LRRIQ3: variants seen among roughly 807,000 people sequenced by gnomAD.
LRRIQ3 encodes leucine-rich repeat and IQ domain-containing protein 3.
Under a neutral mutation model 59.3 loss-of-function variants are expected in LRRIQ3, and 75 were observed. The observed-to-expected ratio is 1.26, with a 90% CI of 1.05 to 1.53. The LOEUF is 1.53. LRRIQ3 is among the 40% of genes most tolerant of loss of function. The pLI is 0.00. For synonymous variants in LRRIQ3, 250 were observed against 231.3 expected, an observed-to-expected ratio of 1.08 and a Z score of -0.73; for missense variants, 831 against 710.0, an observed-to-expected ratio of 1.17 and a Z score of -1.94.
At position 74,183,545 on chromosome 1, in the gene LRRIQ3, T is replaced by A; in HGVS notation, c.140A>T (p.Gln47Leu). The A allele has an allele frequency of 6.2e-7, 1 of 1,612,282 alleles. No homozygotes were observed. Among genetic ancestry groups the A allele is most frequent in the Non-Finnish European group, 8.5e-7 (1 of 1,178,938 alleles). Reference protein sequence around the residue: ...GLHLKSMENLQSCISLRVCIF... With the variant: ...GLHLKSMENLLSCISLRVCIF... ...GCATACTCTAAGAGAGATGCAAGACTGCAAATTTTCCATAGACTTTAAATG... is the reference window on the plus strand; with the variant it reads ...GCATACTCTAAGAGAGATGCAAGACAGCAAATTTTCCATAGACTTTAAATG... The change falls in exon 2 of 8, where the codon CAG (glutamine) becomes CTG (leucine). Residue 47 changes from glutamine to leucine, a missense_variant. Gln to Leu is a moderately radical substitution (Grantham distance 113, BLOSUM62 -2). Transcript: ENST00000354431.
At chr1:74,105,507 C>T (rs1646598835) in intron 5 of LRRIQ3, among the ~76,000 whole-genome samples, 4 of 151,908 alleles carry the variant, frequency 2.6e-5, no homozygotes, top group Admixed American at 2.0e-4. Flanking sequence ...TCCACCTTGG[C>T]CTCCCTAAGT....
chr1:74,074,697 T>G lies in LRRIQ3; in HGVS notation c.961A>C (p.Met321Leu). The change falls in exon 6 of 8, where the codon ATG becomes CTG. Residue 321 changes from methionine to leucine, a missense_variant. Coordinates refer to ENST00000354431, the MANE Select transcript of LRRIQ3 (RefSeq NM_001105659.2). ...AGATGTCTTGATGTTTTTGATTTCA[T>G]GCCTAGATCTTTTGGTTTTAATTCA... Reference protein sequence around the residue: ...LCELKPKDLGMKSKTSRHLIQ... With the variant: ...LCELKPKDLGLKSKTSRHLIQ... 7.0e-7 allele frequency: 1 copy of G among 1,438,070 alleles called. No homozygotes were observed. Among genetic ancestry groups the G allele is most frequent in the Non-Finnish European group, 9.3e-7 (1 of 1,074,888 alleles). 89.1% of individuals were successfully genotyped at this position (1,438,070 alleles called of 1,614,324 possible). A position where few individuals can be genotyped will look rare whatever the true frequency, so the allele number is the denominator to read the frequency against.
At chr1:74,128,465 C>T (rs751484227) in intron 4 of LRRIQ3, among the ~76,000 whole-genome samples, 3 of 152,040 alleles carry the variant, frequency 2.0e-5, no homozygotes, top group Admixed American at 1.3e-4. Flanking sequence ...AATATGTTTG[C>T]TAAATTGATC....
At chr1:74,056,599 A>C (rs1348311215) in intron 6 of LRRIQ3, among the ~76,000 whole-genome samples, 2 of 152,194 alleles carry the variant, frequency 1.3e-5, no homozygotes, top group East Asian at 3.8e-4. Flanking sequence ...ATAAATCAAG[A>C]ATGCAATCCC....
intron 3 of LRRIQ3, among the ~76,000 whole-genome samples, chr1:74,169,020 T>A (rs1171710039): frequency 1.3e-5 from 2 of 152,180 alleles, no homozygotes; most frequent in East Asian, 3.9e-4. Context: ...CCACAATTTG[T>A]AGGAACTTCC....
chr1:74,195,847 A>G (rs1279412167), intron 1 of LRRIQ3, among the ~76,000 whole-genome samples: 2 of 152,176 alleles, frequency 1.3e-5, no homozygotes, highest in Admixed American at 6.5e-5. Context: ...ATTCTCTAGT[A>G]TAATAATACT....
At chr1:74,142,006 CAT>C (rs1491077892) in intron 4 of LRRIQ3, among the ~76,000 whole-genome samples, 4 of 148,372 alleles carry the variant, frequency 2.7e-5, no homozygotes, top group Non-Finnish European at 5.9e-5. Flanking sequence ...CACACACACA[CAT>C]ATTACACAAA....
At chr1:74,093,357 T>C (rs1473993695) in intron 5 of LRRIQ3, among the ~76,000 whole-genome samples, 1 of 152,120 alleles carries the variant, frequency 6.6e-6, no homozygotes, top group Non-Finnish European at 1.5e-5. Flanking sequence ...GAAGAGAGTG[T>C]TTACTATTCC....
chr1:74,196,310 CT>C (rs1242423542), intron 1 of LRRIQ3, among the ~76,000 whole-genome samples: 1 of 152,038 alleles, frequency 6.6e-6, no homozygotes, highest in East Asian at 1.9e-4. Flanking sequence ...TTGGTTACTT[CT>C]TCCTTCTTTA....
intron 5 of LRRIQ3, among the ~76,000 whole-genome samples, chr1:74,093,387 C>G (rs1275276185): frequency 6.6e-6 from 1 of 152,048 alleles, no homozygotes; most frequent in East Asian, 1.9e-4. Flanking sequence ...GATTTGGTAA[C>G]TGCTATGGGG....
At chr1:74,154,662 A>T (rs1648212283) in intron 4 of LRRIQ3, among the ~76,000 whole-genome samples, 1 of 152,250 alleles carries the variant, frequency 6.6e-6, no homozygotes, top group Non-Finnish European at 1.5e-5. Flanking sequence ...CCCTTTAATT[A>T]GATCTGTATT....
intron 3 of LRRIQ3, among the ~76,000 whole-genome samples, chr1:74,166,618 G>A (rs1649006198): frequency 6.6e-6 from 1 of 151,656 alleles, no homozygotes; most frequent in Admixed American, 6.6e-5. Context: ...GTTCTTGAGT[G>A]GGAAGCATAG....
chr1:74,081,499 T>C (rs1646272927), intron 5 of LRRIQ3, among the ~76,000 whole-genome samples: 1 of 151,556 alleles, frequency 6.6e-6, no homozygotes, highest in African/African-American at 2.4e-5. Flanking sequence ...AAAAGAGATG[T>C]TGCAAACTTC....
chr1:74,108,955 T>A, intron 5 of LRRIQ3: 1 of 332,404 alleles, frequency 3.0e-6, no homozygotes, highest in South Asian at 2.5e-5. Flanking sequence ...TGGGATATAG[T>A]AGGCATTCAA....
chr1:74,180,897 T>C (rs1649937885), intron 3 of LRRIQ3: 2 of 1,029,656 alleles, frequency 1.9e-6, no homozygotes, highest in East Asian at 5.4e-5. Context: ...TCAGTCTGTG[T>C]TAATGCCTTA....
Position 74,102,560 on chromosome 1 carries a change from G to C in LRRIQ3, c.867+6834C>G, listed in dbSNP as rs370813297. On this transcript the variant is annotated intron_variant, in intron 5 of 7. Coordinates refer to ENST00000354431, the MANE Select transcript of LRRIQ3 (RefSeq NM_001105659.2). The stretch of plus-strand genomic sequence containing the variant: ...ACGTAGCAGCTACGAAAAGCAGGAT[G>C]GAGGTTCTTCAAAGAATTAAAATTA... Among the ~76,000 whole-genome samples, 190 of 152,102 alleles carry C rather than the reference G, an allele frequency of 1.2e-3. No individual in the cohort carries two copies. The South Asian group carries it at 0.02, about 16-fold the overall frequency.
At chr1:74,159,451 G>A (rs887114182) in intron 3 of LRRIQ3, among the ~76,000 whole-genome samples, 2 of 152,070 alleles carry the variant, frequency 1.3e-5, no homozygotes, top group Admixed American at 6.6e-5. Flanking sequence ...GCCTCCAAGC[G>A]TGACTTAACA....
intron 5 of LRRIQ3, among the ~76,000 whole-genome samples, chr1:74,089,675 C>T (rs1646373787): frequency 6.6e-6 from 1 of 151,920 alleles, no homozygotes; most frequent in East Asian, 1.9e-4. Flanking sequence ...TTAATGTTCC[C>T]AGGGGCTGTA....
intron 3 of LRRIQ3, among the ~76,000 whole-genome samples, chr1:74,167,781 C>G (rs930814514): frequency 1.4e-4 from 21 of 151,734 alleles, no homozygotes; most frequent in African/African-American, 5.1e-4. Context: ...TACACTAAAA[C>G]CACTGAATTG....
Sources: gnomAD v4.1 joint callset for allele counts (sites outside exome capture counted in the v4.1 genomes callset) on GRCh38, gnomAD v4.1.1 for gene constraint, MANE v1.5 for transcripts, NCBI Gene and HGNC (gene_info 2026-07-23, HGNC 2026-07-21) for gene names.